The following CHST10 variants were observed in gnomAD, a reference collection of about 807,000 sequenced individuals.
CHST10 encodes HNK-1 sulfotransferase.
A neutral mutation model predicts 34.7 loss-of-function variants in CHST10; 24 were observed. That is an observed-to-expected ratio of 0.69 (90% confidence interval 0.50 to 0.97). The LOEUF (loss-of-function observed/expected upper bound fraction) is 0.97, where lower values mean the gene tolerates loss of function less well. Among genes scored for constraint, CHST10 ranks in the 50% least tolerant of loss-of-function variants. The pLI, the probability that CHST10 is intolerant of heterozygous loss-of-function variation, is 0.00. For synonymous variants in CHST10, 161 were observed against 169.3 expected, an observed-to-expected ratio of 0.95 and a Z score of 0.38; for missense variants, 402 against 452.1, an observed-to-expected ratio of 0.89 and a Z score of 1.00.
intron 3 of CHST10, among the ~76,000 whole-genome samples, chr2:100,405,664 G>A (rs1462815972): frequency 1.3e-5 from 2 of 152,204 alleles, no homozygotes; most frequent in Non-Finnish European, 2.9e-5. Flanking sequence ...ACCATCGGCA[G>A]GAGGACAAAG....
chr2:100,396,399 A>G (rs1029512195), intron 5 of CHST10, among the ~76,000 whole-genome samples: 4 of 152,224 alleles, frequency 2.6e-5, no homozygotes, highest in African/African-American at 9.6e-5. Context: ...ACAAATGGAA[A>G]TACACTGTCA....
At chr2:100,417,019 T>C (rs1213241051) in intron 1 of CHST10, 2 of 1,304,210 alleles carry the variant, frequency 1.5e-6, no homozygotes, top group African/African-American at 1.5e-5. Flanking sequence ...CTTCCCTGCC[T>C]TCCTCTGCAT....
At chr2:100,398,549 C>T (rs1573178233) in intron 4 of CHST10, among the ~76,000 whole-genome samples, 1 of 152,088 alleles carries the variant, frequency 6.6e-6, no homozygotes, top group South Asian at 2.1e-4. Flanking sequence ...ACTAAAAATA[C>T]AAAAATTAGC....
intron 2 of CHST10, among the ~76,000 whole-genome samples, chr2:100,413,254 G>A (rs1369592390): frequency 6.6e-6 from 1 of 152,200 alleles, no homozygotes; most frequent in African/African-American, 2.4e-5. Context: ...AGTGCCTCTA[G>A]AGCTAATGGT....
At chr2:100,400,942 A>G (rs1279664056) in intron 4 of CHST10, among the ~76,000 whole-genome samples, 1 of 152,210 alleles carries the variant, frequency 6.6e-6, no homozygotes, top group Non-Finnish European at 1.5e-5. Context: ...CGGCCTCCCA[A>G]AGTGCTGGGA....
At chr2:100,417,132 A>T (rs984011480) in intron 1 of CHST10, 1 of 1,110,798 alleles carries the variant, frequency 9.0e-7, no homozygotes, top group Admixed American at 2.3e-5. Context: ...GGCTCGCACA[A>T]TATCAATAAT....
chr2:100,417,017 C>G, intron 1 of CHST10: 6 of 1,304,324 alleles, frequency 4.6e-6, no homozygotes, highest in Non-Finnish European at 6.1e-6. Context: ...TTCTTCCCTG[C>G]CTTCCTCTGC....
chr2:100,398,148 G>A lies in CHST10; in HGVS notation c.193-6C>T, dbSNP rs1675161581. ...GGAAGCTCCTTCCCAGTTGGCTGCA[G>A]GTGACACAGAGCAGAAGAGGCCCAG... On this transcript the variant is annotated splice_region_variant and splice_polypyrimidine_tract_variant and intron_variant, in intron 4 of 6. Transcript: ENST00000264249. The A allele has an allele frequency of 6.2e-7, 1 of 1,607,314 alleles. No individual in the cohort carries two copies. The highest frequency in any genetic ancestry group is 1.1e-5 in the South Asian group (1 of 89,936).
chr2:100,416,295 CA>C (rs1347257620), intron 1 of CHST10: 4 of 152,268 alleles, frequency 2.6e-5, no homozygotes, highest in Admixed American at 6.5e-5. Flanking sequence ...GTGATGTTTA[CA>C]AATTCTTTCC....
intron 3 of CHST10, among the ~76,000 whole-genome samples, chr2:100,404,082 C>T (rs1166703868): frequency 6.6e-6 from 1 of 152,228 alleles, no homozygotes; most frequent in African/African-American, 2.4e-5. Flanking sequence ...ATCCTGCATC[C>T]AGAACTCAGC....
chr2:100,394,245 A>G (rs1674942007), intron 6 of CHST10, among the ~76,000 whole-genome samples: 2 of 145,294 alleles, frequency 1.4e-5, no homozygotes, highest in African/African-American at 2.8e-5. Flanking sequence ...GGGGGGCAAG[A>G]GAAAACAGAG....
intron 2 of CHST10, among the ~76,000 whole-genome samples, chr2:100,410,948 T>A (rs572028555): frequency 6.6e-4 from 101 of 152,154 alleles, no homozygotes; most frequent in African/African-American, 2.2e-3. Context: ...GAATGTATGA[T>A]CCCATTTGTT....
intron 3 of CHST10, among the ~76,000 whole-genome samples, chr2:100,403,054 C>T (rs1362839502): frequency 6.6e-6 from 1 of 152,210 alleles, no homozygotes; most frequent in African/African-American, 2.4e-5. Flanking sequence ...TGACCAAGGA[C>T]TCCTATCTAA....
intron 4 of CHST10, among the ~76,000 whole-genome samples, chr2:100,399,918 C>T (rs1675257398): frequency 1.3e-5 from 2 of 152,186 alleles, no homozygotes; most frequent in Admixed American, 1.3e-4. Context: ...CTGCCCGGGC[C>T]CTCCACCCAC....
At chr2:100,403,905 C>T (rs1163460933) in intron 3 of CHST10, among the ~76,000 whole-genome samples, 1 of 152,226 alleles carries the variant, frequency 6.6e-6, no homozygotes, top group Non-Finnish European at 1.5e-5. Flanking sequence ...CTCCGGGACA[C>T]ACTCTCTAAA....
At chr2:100,404,582 C>T (rs900725447) in intron 3 of CHST10, among the ~76,000 whole-genome samples, 4 of 152,206 alleles carry the variant, frequency 2.6e-5, no homozygotes, top group Non-Finnish European at 4.4e-5. Flanking sequence ...GGGCCTACCC[C>T]TGCTTAGCTT....
intron 4 of CHST10, among the ~76,000 whole-genome samples, chr2:100,400,373 G>T (rs1461396858): frequency 6.6e-6 from 1 of 152,066 alleles, no homozygotes; most frequent in Admixed American, 6.6e-5. Context: ...CCAAGTAGCT[G>T]GGGTTATAAA....
chr2:100,410,320 C>A (rs895739303), intron 2 of CHST10, among the ~76,000 whole-genome samples: 2 of 152,240 alleles, frequency 1.3e-5, no homozygotes, highest in Non-Finnish European at 2.9e-5. Flanking sequence ...GGTGGCACCC[C>A]CAGCACCGCT....
At chr2:100,394,348 G>A (rs964095951) in intron 6 of CHST10, among the ~76,000 whole-genome samples, 6 of 152,202 alleles carry the variant, frequency 3.9e-5, no homozygotes, top group Admixed American at 2.0e-4. Flanking sequence ...AGGGCCGGCA[G>A]CAGTGACGAT....
Sources: allele counts gnomAD v4.1 joint callset (sites outside exome capture counted in the v4.1 genomes callset), GRCh38; gene constraint gnomAD v4.1.1; transcripts MANE v1.5; gene names NCBI Gene and HGNC (gene_info 2026-07-23, HGNC 2026-07-21).